The following TINAG variants were observed in gnomAD, a reference collection of about 807,000 sequenced individuals.
TINAG encodes tubulointerstitial nephritis antigen.
TINAG carries 83 observed loss-of-function variants against 72.7 expected under a neutral mutation model. The observed-to-expected ratio is 1.14, with a 90% CI of 0.96 to 1.37. TINAG has a LOEUF of 1.37. Among genes scored for constraint, TINAG ranks in the 40% most tolerant of loss-of-function variants. TINAG has a pLI of 0.00. For missense variants in TINAG, 685 were observed against 576.6 expected (o/e 1.19, Z -1.93); for synonymous variants, 234 against 189.9 (o/e 1.23, Z -1.91).
At chr6:54,364,754 C>A (rs1277590792) in intron 9 of TINAG, among the ~76,000 whole-genome samples, 1 of 151,276 alleles carries the variant, frequency 6.6e-6, no homozygotes, top group Admixed American at 6.6e-5. Flanking sequence ...TAGTCATAAA[C>A]CATTGATATC....
At chr6:54,321,066 G>A (rs1508642) in intron 2 of TINAG, among the ~76,000 whole-genome samples, 105,952 of 152,042 alleles carry the variant, frequency 0.7, 37,258 homozygotes, top group East Asian at 0.78. Flanking sequence ...TCAAACTTCA[G>A]CAGATGTGTG....
chr6:54,353,261 A>G (rs1460799177), intron 8 of TINAG, among the ~76,000 whole-genome samples: 1 of 151,844 alleles, frequency 6.6e-6, no homozygotes, highest in Non-Finnish European at 1.5e-5. Flanking sequence ...AAGACCTCAA[A>G]GAGTCAATGG....
intron 4 of TINAG, among the ~76,000 whole-genome samples, chr6:54,327,490 C>T (rs1784635346): frequency 6.6e-6 from 1 of 152,190 alleles, no homozygotes; most frequent in African/African-American, 2.4e-5. Flanking sequence ...GCCTACACTA[C>T]CAGGACCCTG....
intron 5 of TINAG, among the ~76,000 whole-genome samples, chr6:54,345,694 C>T (rs890239250): frequency 1.3e-5 from 2 of 151,946 alleles, no homozygotes; most frequent in African/African-American, 4.8e-5. Flanking sequence ...GCCATTTGCT[C>T]CTGTGAAATA....
chr6:54,351,283 G>T (rs1785259233), intron 7 of TINAG, 69 bp from the exon 8 acceptor site: 2 of 1,380,040 alleles, frequency 1.4e-6, no homozygotes, highest in East Asian at 4.7e-5. Flanking sequence ...ACTTAACATT[G>T]TACACCAATC....
At chr6:54,318,584 T>C (rs1053792649) in intron 1 of TINAG, among the ~76,000 whole-genome samples, 1 of 152,114 alleles carries the variant, frequency 6.6e-6, no homozygotes, top group Non-Finnish European at 1.5e-5. Flanking sequence ...GTGCAGAGAT[T>C]AGGGTGGAGA....
intron 1 of TINAG, among the ~76,000 whole-genome samples, chr6:54,311,141 C>T (rs1237539288): frequency 2.0e-5 from 3 of 151,956 alleles, no homozygotes; most frequent in African/African-American, 7.2e-5. Flanking sequence ...TTATATAGAC[C>T]ATATTATGCT....
At chr6:54,378,249 A>T (rs573456584) in intron 9 of TINAG, among the ~76,000 whole-genome samples, 1 of 152,084 alleles carries the variant, frequency 6.6e-6, no homozygotes, top group East Asian at 1.9e-4. Context: ...TTATACCAGC[A>T]CCTTAGTCTC....
chr6:54,329,384 A>C (rs1348807787), intron 4 of TINAG, among the ~76,000 whole-genome samples: 4 of 152,214 alleles, frequency 2.6e-5, no homozygotes, highest in Non-Finnish European at 5.9e-5. Flanking sequence ...AACTTTCATA[A>C]GTGAAAGAGA....
chr6:54,387,795 C>T (rs890935482), intron 10 of TINAG, among the ~76,000 whole-genome samples: 3 of 152,010 alleles, frequency 2.0e-5, no homozygotes, highest in African/African-American at 4.8e-5. Context: ...TAATTAAATA[C>T]AAACAAATGT....
chr6:54,360,715 G>T (rs1172800239), intron 9 of TINAG, among the ~76,000 whole-genome samples: 2 of 151,418 alleles, frequency 1.3e-5, no homozygotes, highest in Admixed American at 6.6e-5. Flanking sequence ...TTACAGGAAA[G>T]AATTAGTATA....
In TINAG at chr6:54,390,020, C is replaced by T; in HGVS notation, c.*95C>T. The T allele has an allele frequency of 6.7e-7, 1 of 1,486,776 alleles. No individual in the cohort carries two copies. The highest frequency in any genetic ancestry group is 9.1e-7 in the Non-Finnish European group (1 of 1,094,082). 92.1% of individuals were successfully genotyped at this position (1,486,776 alleles called of 1,614,324 possible). On this transcript the variant is annotated 3_prime_UTR_variant, in exon 11 of 11. Coordinates refer to ENST00000259782, the MANE Select transcript of TINAG (RefSeq NM_014464.4). Reference sequence around the variant, plus strand: ...TTCTTGGTGACAGTGGAATCTTTGTCTCTTCACCGTGTTAACATAATCTAT... The same window carrying T: ...TTCTTGGTGACAGTGGAATCTTTGTTTCTTCACCGTGTTAACATAATCTAT...
chr6:54,325,327 GT>G (rs1211879633), intron 3 of TINAG, among the ~76,000 whole-genome samples: 1 of 152,156 alleles, frequency 6.6e-6, no homozygotes. Context: ...TGTTCTCCGT[GT>G]TTATCAGAGA....
intron 4 of TINAG, among the ~76,000 whole-genome samples, chr6:54,327,436 T>G (rs1454799283): frequency 6.6e-6 from 1 of 152,182 alleles, no homozygotes; most frequent in Non-Finnish European, 1.5e-5. Flanking sequence ...ACTATGCTTT[T>G]CCCATGGTCT....
chr6:54,371,378 ATATGTGTCTGCTCCCTTATGCTCACTT>A (rs1471822294), intron 9 of TINAG, among the ~76,000 whole-genome samples: 1 of 151,980 alleles, frequency 6.6e-6, no homozygotes, highest in African/African-American at 2.4e-5. Flanking sequence ...ATTAAATGAG[ATATGTGTCTGCTCCCTTATGCTCACTT>A]TATACTTTCT....
intron 7 of TINAG, among the ~76,000 whole-genome samples, chr6:54,350,930 T>C (rs780812783): frequency 5.3e-5 from 8 of 151,782 alleles, no homozygotes; most frequent in Non-Finnish European, 1.0e-4. Flanking sequence ...AATGGATGAA[T>C]GAGTGCCCTG....
At chr6:54,355,683 A>C (rs749398685) in intron 9 of TINAG, among the ~76,000 whole-genome samples, 4 of 151,112 alleles carry the variant, frequency 2.6e-5, no homozygotes, top group Non-Finnish European at 5.9e-5. Context: ...TTAATGTAGG[A>C]TGCTGAATCT....
intron 10 of TINAG, among the ~76,000 whole-genome samples, chr6:54,385,040 G>T (rs1263142047): frequency 2.0e-5 from 3 of 152,074 alleles, no homozygotes; most frequent in Non-Finnish European, 4.4e-5. Flanking sequence ...AATAGAAAAT[G>T]CATGCATTGG....
At chr6:54,382,826 G>C (rs892735092) in intron 10 of TINAG, among the ~76,000 whole-genome samples, 2 of 152,110 alleles carry the variant, frequency 1.3e-5, no homozygotes, top group Non-Finnish European at 2.9e-5. Context: ...TTGTTTACAG[G>C]AGAGAGACAA....
Sources: gnomAD v4.1 joint callset for allele counts (sites outside exome capture counted in the v4.1 genomes callset) on GRCh38, gnomAD v4.1.1 for gene constraint, MANE v1.5 for transcripts, NCBI Gene and HGNC (gene_info 2026-07-23, HGNC 2026-07-21) for gene names.